SAR1A: variants seen among roughly 807,000 people sequenced by gnomAD.
SAR1A encodes secretion associated Ras related GTPase 1A, also known as small COPII coat GTPase SAR1A.
In SAR1A, 6 loss-of-function variants were observed where a neutral mutation model predicts 22.6. The ratio of observed to expected loss-of-function variants is 0.27; its 90% confidence interval spans 0.15 to 0.52. The LOEUF (loss-of-function observed/expected upper bound fraction) is 0.52, where lower values mean the gene tolerates loss of function less well. Among genes scored for constraint, SAR1A ranks in the 20% least tolerant of loss-of-function variants. The pLI, the probability that SAR1A is intolerant of heterozygous loss-of-function variation, is 0.96. For synonymous variants in SAR1A, 70 were observed against 82.2 expected (o/e 0.85, Z 0.80); for missense variants, 145 against 245.1 (o/e 0.59, Z 2.73).
intron 1 of SAR1A, among the ~76,000 whole-genome samples, chr10:70,169,591 G>GC (rs1564572997): frequency 6.6e-6 from 1 of 152,134 alleles, no homozygotes; most frequent in Non-Finnish European, 1.5e-5. Flanking sequence ...AAAAATTTAC[G>GC]CATTACTTGT....
chr10:70,157,429 A>C (rs886180088), intron 5 of SAR1A, among the ~76,000 whole-genome samples: 2 of 135,758 alleles, frequency 1.5e-5, no homozygotes, highest in Non-Finnish European at 3.2e-5. Context: ...AAAAAAAAAA[A>C]CAGAATTACT....
chr10:70,164,222 C>CA (rs199818175), intron 1 of SAR1A: 1,491 of 544,022 alleles, frequency 2.7e-3, no homozygotes, highest in Admixed American at 3.9e-3. Context: ...TCCCTACTGT[C>CA]AAAAAAAAAT....
chr10:70,166,411 A>G (rs777161107), intron 1 of SAR1A, among the ~76,000 whole-genome samples: 3 of 152,244 alleles, frequency 2.0e-5, no homozygotes, highest in Non-Finnish European at 4.4e-5. Context: ...GAAAATAAGA[A>G]TGAAAAGCAC....
chr10:70,163,996 A>G (rs1395781549), intron 1 of SAR1A: 20 of 1,052,308 alleles, frequency 1.9e-5, no homozygotes, highest in Non-Finnish European at 2.7e-5. Context: ...AGTGGTGTAG[A>G]ACTTCACCAT....
intron 1 of SAR1A, chr10:70,163,751 G>T: frequency 1.0e-6 from 1 of 953,196 alleles, no homozygotes; most frequent in Non-Finnish European, 1.7e-6. Context: ...ATTTGACAAA[G>T]ATGGTGATGG....
At position 70,164,084 on chromosome 10, in the gene SAR1A, T is replaced by C. The variant is rs141438019; in HGVS notation, c.-16-2153A>G. 1,272 of 762,710 alleles carry C rather than the reference T, an allele frequency of 1.7e-3. 38 individuals carry two copies. In the East Asian group the frequency reaches 0.025, roughly 15 times the overall value. 47.2% of individuals were successfully genotyped at this position (762,710 alleles called of 1,614,324 possible). A position where few individuals can be genotyped will look rare whatever the true frequency, so the allele number is the denominator to read the frequency against. On this transcript the variant is annotated intron_variant, in intron 1 of 6. Transcript: ENST00000373241. ...TCAGGGAAGCAGATCCTGATGGTGA[T>C]GGTCAAGTAAACTATGAGTTTGTAC... is the stretch of plus-strand genomic sequence containing the variant.
chr10:70,156,618 A>C (rs575448085), intron 5 of SAR1A, among the ~76,000 whole-genome samples: 2 of 151,190 alleles, frequency 1.3e-5, no homozygotes, highest in South Asian at 4.2e-4. Context: ...GGTTACAGTG[A>C]GCCGTGATTG....
intron 1 of SAR1A, chr10:70,164,169 T>C (rs1839514611): frequency 1.5e-6 from 1 of 654,062 alleles, no homozygotes; most frequent in African/African-American, 1.8e-5. Context: ...TGCACAAAAC[T>C]GTTTATTTGC....
intron 6 of SAR1A, among the ~76,000 whole-genome samples, chr10:70,153,533 C>T (rs1839352806): frequency 5.9e-5 from 9 of 152,108 alleles, no homozygotes; most frequent in Middle Eastern, 3.2e-3. Context: ...TATTTTCTGG[C>T]TAAAAAGGGC....
chr10:70,161,294 C>CA, intron 3 of SAR1A: 1 of 545,956 alleles, frequency 1.8e-6, no homozygotes, highest in Non-Finnish European at 3.2e-6. Context: ...CCACTCCCAA[C>CA]AAAGAAAAGG....
intron 1 of SAR1A, among the ~76,000 whole-genome samples, chr10:70,165,471 C>T (rs1014571664): frequency 2.0e-5 from 3 of 151,980 alleles, no homozygotes; most frequent in Admixed American, 6.6e-5. Context: ...TTCCAACCCT[C>T]GTGGAAAACT....
At chr10:70,164,925 T>C (rs1197022009) in intron 1 of SAR1A, among the ~76,000 whole-genome samples, 1 of 152,214 alleles carries the variant, frequency 6.6e-6, no homozygotes, top group Non-Finnish European at 1.5e-5. Context: ...AAGAAGTTAA[T>C]GTTGTTTTAA....
intron 5 of SAR1A, 59 bp from the exon 6 acceptor site, chr10:70,154,028 AG>A: frequency 2.3e-6 from 3 of 1,327,228 alleles, no homozygotes; most frequent in Non-Finnish European, 2.1e-6. Flanking sequence ...AATCTACAAA[AG>A]CCCACCAGAT....
intron 5 of SAR1A, among the ~76,000 whole-genome samples, chr10:70,154,793 A>G (rs1437255691): frequency 6.6e-6 from 1 of 152,058 alleles, no homozygotes; most frequent in Non-Finnish European, 1.5e-5. Flanking sequence ...GTAAGAACAC[A>G]ATATAGTGGA....
At chr10:70,165,894 G>C (rs533985912) in intron 1 of SAR1A, among the ~76,000 whole-genome samples, 1 of 152,290 alleles carries the variant, frequency 6.6e-6, no homozygotes, top group Admixed American at 6.5e-5. Flanking sequence ...AAACTTCCTT[G>C]TTGTCTTATT....
intron 1 of SAR1A, chr10:70,163,893 A>T (rs747650089): frequency 1.2e-5 from 20 of 1,600,124 alleles, no homozygotes; most frequent in Middle Eastern, 1.7e-4. Context: ...TGAATTTCTG[A>T]CAATGATGGC....
rs183359025 is a variant in SAR1A at position 70,150,255 on chromosome 10, G to A, written c.*2221C>T. The A allele has an allele frequency of 2.6e-5, 4 of 151,894 alleles. No individual in the cohort carries two copies. Among genetic ancestry groups the A allele is most frequent in the East Asian group, 3.9e-4 (2 of 5,168 alleles). 9.4% of individuals were successfully genotyped at this position (151,894 alleles called of 1,614,324 possible). On this transcript the variant is annotated 3_prime_UTR_variant, in exon 7 of 7. Coordinates refer to ENST00000373241, the MANE Select transcript of SAR1A (RefSeq NM_020150.5). ...TTAGGATACAGATTGACTTTCTTTC[G>A]TAAATGACTGTTTTACTTTTCCTGA...
At chr10:70,165,769 T>G (rs973125296) in intron 1 of SAR1A, among the ~76,000 whole-genome samples, 1 of 152,138 alleles carries the variant, frequency 6.6e-6, no homozygotes, top group Non-Finnish European at 1.5e-5. Context: ...AGCAGCAGGG[T>G]TTAAGAGGAC....
chr10:70,154,424 A>C (rs1839361848), intron 5 of SAR1A, among the ~76,000 whole-genome samples: 1 of 152,244 alleles, frequency 6.6e-6, no homozygotes, highest in South Asian at 2.1e-4. Context: ...TAGGAAGGGT[A>C]ACTATCTCAG....
Sources: allele counts gnomAD v4.1 joint callset (sites outside exome capture counted in the v4.1 genomes callset), GRCh38; gene constraint gnomAD v4.1.1; transcripts MANE v1.5; gene names NCBI Gene and HGNC (gene_info 2026-07-23, HGNC 2026-07-21).